The following TRPC4AP variants were observed in gnomAD, a reference collection of about 807,000 sequenced individuals.
TRPC4AP encodes the protein transient receptor potential cation channel subfamily C member 4 associated protein.
TRPC4AP carries 45 observed loss-of-function variants against 99.0 expected under a neutral mutation model. The observed-to-expected ratio is 0.45, with a 90% confidence interval of 0.36 to 0.58. TRPC4AP has a LOEUF of 0.58. Ranked by LOEUF, TRPC4AP falls within the 20% of genes least tolerant of loss-of-function variation. The pLI, the probability that TRPC4AP is intolerant of heterozygous loss-of-function variation, is 0.00. For synonymous variants in TRPC4AP, 408 were observed against 385.8 expected, an observed-to-expected ratio of 1.06 and a Z score of -0.67; for missense variants, 879 against 985.3, an observed-to-expected ratio of 0.89 and a Z score of 1.44.
At chr20:35,018,604 G>GAA (rs11479211) in intron 9 of TRPC4AP, among the ~76,000 whole-genome samples, 7,474 of 88,900 alleles carry the variant, frequency 0.084, 299 homozygotes, top group South Asian at 0.12. Context: ...CTCAAAAAAA[G>GAA]AAAAAAAAAA....
At chr20:35,078,835 GCAGGTGGATCACCTGAAGT>G (rs2084551943) in intron 1 of TRPC4AP, among the ~76,000 whole-genome samples, 1 of 152,326 alleles carries the variant, frequency 6.6e-6, no homozygotes, top group South Asian at 2.1e-4. Flanking sequence ...GGAAGCCGAG[GCAGGTGGATCACCTGAAGT>G]CAGGAGTTTG....
chr20:35,080,339 A>AG (rs2084601339), intron 1 of TRPC4AP, among the ~76,000 whole-genome samples: 1 of 147,192 alleles, frequency 6.8e-6, no homozygotes, highest in African/African-American at 2.5e-5. Flanking sequence ...CACCTCTACA[A>AG]AAAAAAAAAA....
intron 1 of TRPC4AP, among the ~76,000 whole-genome samples, chr20:35,084,779 C>T (rs2084789824): frequency 1.3e-5 from 2 of 148,244 alleles, no homozygotes; most frequent in Non-Finnish European, 3.0e-5. Flanking sequence ...TATATATATA[C>T]AGGGTATATG....
At position 35,008,761 on chromosome 20, in the gene TRPC4AP, G is replaced by A. The variant is rs2082566484; in HGVS notation, c.1512-14C>T. 1 of 1,612,044 alleles carries A rather than the reference G, an allele frequency of 6.2e-7. No individual in the cohort carries two copies. Among genetic ancestry groups the A allele is most frequent in the African/African-American group, 1.3e-5 (1 of 74,982 alleles). ...CACACCAAACTCCTGAAATAGAAGA[G>A]AGATATTGGTGACAGATCTGAGAGG... On this transcript the variant is annotated splice_polypyrimidine_tract_variant and intron_variant, in intron 12 of 18. Transcript: ENST00000252015.
rs145238085 is a variant in TRPC4AP, at chr20:35,038,403, C to T, written c.866-3095G>A. Among the ~76,000 whole-genome samples the T allele has an allele frequency of 3.5e-3, 537 of 151,862 alleles. 2 individuals carry two copies. Among genetic ancestry groups the T allele is most frequent in the South Asian group, 1.0e-2 (48 of 4,802 alleles). On this transcript the variant is annotated intron_variant, in intron 7 of 18. Coordinates refer to ENST00000252015, the MANE Select transcript of TRPC4AP (RefSeq NM_015638.3). ...TAATTTCTTTGGAGGGTTAATTTGT[C>T]AACACTTACCAATTTCCATTAATGG...
chr20:35,046,284 T>C (rs73273856), intron 6 of TRPC4AP, among the ~76,000 whole-genome samples: 6,730 of 152,298 alleles, frequency 0.044, 489 homozygotes, highest in African/African-American at 0.15. Flanking sequence ...CCTTGTGCTA[T>C]TTGGTTCTAT....
At chr20:35,055,698 T>C (rs116224501) in intron 4 of TRPC4AP, among the ~76,000 whole-genome samples, 1 of 152,340 alleles carries the variant, frequency 6.6e-6, no homozygotes, top group African/African-American at 2.4e-5. Flanking sequence ...AGCATCTCAA[T>C]TGCTCTTGTT....
intron 7 of TRPC4AP, among the ~76,000 whole-genome samples, chr20:35,041,238 G>A (rs992485326): frequency 7.5e-6 from 1 of 132,606 alleles, no homozygotes; most frequent in East Asian, 2.1e-4. Flanking sequence ...CACTACTGGA[G>A]CGCAATTCAA....
At chr20:35,024,825 C>CAAAAAAA (rs778161091) in intron 8 of TRPC4AP, among the ~76,000 whole-genome samples, 8 of 35,870 alleles carry the variant, frequency 2.2e-4, no homozygotes, top group Admixed American at 4.0e-4. Flanking sequence ...GAGACCGTCT[C>CAAAAAAA]AAAAAAAAAA....
At chr20:35,083,135 A>G (rs1332287844) in intron 1 of TRPC4AP, among the ~76,000 whole-genome samples, 1 of 152,200 alleles carries the variant, frequency 6.6e-6, no homozygotes, top group East Asian at 1.9e-4. Context: ...CTAAATGTAA[A>G]TTATCAACTA....
intron 1 of TRPC4AP, among the ~76,000 whole-genome samples, chr20:35,089,832 C>T (rs111654277): frequency 0.022 from 3,313 of 152,028 alleles, 47 homozygotes; most frequent in Middle Eastern, 0.031. Context: ...GGCAACAGAG[C>T]GAGACTCCGT....
chr20:35,018,720 G>A (rs1317611191), intron 9 of TRPC4AP, among the ~76,000 whole-genome samples: 12 of 151,692 alleles, frequency 7.9e-5, no homozygotes, highest in East Asian at 3.9e-4. Context: ...GTCCAGCCCC[G>A]TAGCCTGCTC....
intron 12 of TRPC4AP, 92 bp downstream of exon 12, chr20:35,010,095 C>G: frequency 3.1e-6 from 3 of 975,848 alleles, no homozygotes; most frequent in Non-Finnish European, 4.9e-6. Context: ...AGAGAGGACA[C>G]GCGTGCATAC....
chr20:35,025,328 G>T (rs1199941014), intron 8 of TRPC4AP, among the ~76,000 whole-genome samples: 1 of 152,066 alleles, frequency 6.6e-6, no homozygotes, highest in Non-Finnish European at 1.5e-5. Flanking sequence ...CTATGGGCAC[G>T]TGCCACCATG....
chr20:35,027,250 T>TA (rs2083053902), intron 8 of TRPC4AP, among the ~76,000 whole-genome samples: 1 of 152,242 alleles, frequency 6.6e-6, no homozygotes, highest in African/African-American at 2.4e-5. Context: ...TTTTTGTTTT[T>TA]ACCATGAAAG....
chr20:35,048,911 C>T (rs759883608), intron 6 of TRPC4AP, among the ~76,000 whole-genome samples: 1 of 152,314 alleles, frequency 6.6e-6, no homozygotes, highest in South Asian at 2.1e-4. Context: ...CCAATGTGTT[C>T]CTACAGACAA....
At chr20:35,016,191 T>C (rs370335376) in intron 9 of TRPC4AP, 52 bp from the exon 10 acceptor site, 9 of 1,607,482 alleles carry the variant, frequency 5.6e-6, no homozygotes, top group Non-Finnish European at 7.7e-6. Flanking sequence ...TTGAAAAATC[T>C]AGCAAAACCT....
chr20:35,011,594 C>G (rs1291362837), intron 11 of TRPC4AP, among the ~76,000 whole-genome samples: 1 of 152,060 alleles, frequency 6.6e-6, no homozygotes, highest in African/African-American at 2.4e-5. Context: ...TCTAAGTGGA[C>G]CATCTGTATA....
Position 35,062,519 on chromosome 20 carries a change from T to C in TRPC4AP, c.415-4948A>G, listed in dbSNP as rs115291025. 3.5e-3 allele frequency among the ~76,000 whole-genome samples: 536 copies of C among 152,330 alleles called. 5 individuals carry two copies. The highest frequency in any genetic ancestry group is 0.013 in the African/African-American group (522 of 41,580). On this transcript the variant is annotated intron_variant, in intron 3 of 18. Transcript: ENST00000252015. ...ACAATAAAAAGGAATGGAGTATTGA[T>C]ACACGTTATGACACGGATTAACCTT...
Sources: gnomAD v4.1 joint callset for allele counts (sites outside exome capture counted in the v4.1 genomes callset) on GRCh38, gnomAD v4.1.1 for gene constraint, MANE v1.5 for transcripts, NCBI Gene and HGNC (gene_info 2026-07-23, HGNC 2026-07-21) for gene names.